The following UST variants were observed in gnomAD, a reference collection of about 807,000 sequenced individuals.
The protein encoded by UST is chondroitin sulfate 2-O-sulfotransferase.
UST carries 21 observed loss-of-function variants against 45.6 expected under a neutral mutation model. That is an observed-to-expected ratio of 0.46 (90% CI 0.33 to 0.66). UST has a LOEUF of 0.66. Ranked by LOEUF, UST falls within the 30% of genes least tolerant of loss-of-function variation. The pLI is 0.02. For synonymous variants in UST, 215 were observed against 200.6 expected, an observed-to-expected ratio of 1.07 and a Z score of -0.61; for missense variants, 463 against 512.4, an observed-to-expected ratio of 0.90 and a Z score of 0.93.
chr6:148,789,063 A>G (rs1028078735), intron 1 of UST, among the ~76,000 whole-genome samples: 2 of 152,252 alleles, frequency 1.3e-5, no homozygotes, highest in Admixed American at 1.3e-4. Context: ...TAACGTTTAA[A>G]TGCTGAAGGA....
At position 148,820,968 on chromosome 6, in the gene UST, C is replaced by T. The variant is rs1484391076; in HGVS notation, c.248-66018C>T. ...GTCATGTAGTATTTTTTTTTAATTC[C>T]TTTTTTTTTTTTTTTTTTTGAGACG... On this transcript the variant is annotated intron_variant, in intron 1 of 7. Coordinates refer to ENST00000367463, the MANE Select transcript of UST (RefSeq NM_005715.3). 2.3e-3 allele frequency among the ~76,000 whole-genome samples: 208 copies of T among 91,198 alleles called. 1 individual carries two copies. The highest frequency in any genetic ancestry group is 7.9e-3 in the African/African-American group (191 of 24,078). 59.8% of individuals were successfully genotyped at this position (91,198 alleles called of 152,430 possible). A position where few individuals can be genotyped will look rare whatever the true frequency, so the allele number is the denominator to read the frequency against.
chr6:148,987,177 G>C (rs2114987667), intron 5 of UST, among the ~76,000 whole-genome samples: 1 of 152,270 alleles, frequency 6.6e-6, no homozygotes, highest in South Asian at 2.1e-4. Context: ...CAAACCAGGA[G>C]ATACATTAAT....
At chr6:148,793,030 T>C (rs1366743616) in intron 1 of UST, among the ~76,000 whole-genome samples, 1 of 152,206 alleles carries the variant, frequency 6.6e-6, no homozygotes, top group Non-Finnish European at 1.5e-5. Context: ...TAATTTATTG[T>C]ACTGTATGGG....
intron 1 of UST, among the ~76,000 whole-genome samples, chr6:148,749,755 A>G (rs1420677708): frequency 6.6e-6 from 1 of 152,226 alleles, no homozygotes; most frequent in African/African-American, 2.4e-5. Context: ...AGTTGGTAGA[A>G]GGGTGAATTC....
At chr6:148,873,409 G>A (rs984386288) in intron 1 of UST, among the ~76,000 whole-genome samples, 4 of 152,082 alleles carry the variant, frequency 2.6e-5, no homozygotes, top group African/African-American at 9.7e-5. Flanking sequence ...CAGGTGATGA[G>A]GCTCTTCAGC....
intron 5 of UST, among the ~76,000 whole-genome samples, chr6:148,999,909 T>A (rs930262520): frequency 2.0e-5 from 3 of 152,222 alleles, no homozygotes; most frequent in African/African-American, 7.2e-5. Context: ...TTGTAATGAT[T>A]GATAGAATAT....
chr6:148,935,005 C>G (rs1779992423), intron 2 of UST, among the ~76,000 whole-genome samples: 1 of 152,200 alleles, frequency 6.6e-6, no homozygotes, highest in Admixed American at 6.5e-5. Context: ...GTCTCATAGA[C>G]TATGAAAGTC....
intron 7 of UST, among the ~76,000 whole-genome samples, chr6:149,063,341 A>G (rs1776683311): frequency 1.3e-5 from 2 of 152,258 alleles, no homozygotes; most frequent in Non-Finnish European, 2.9e-5. Flanking sequence ...TTATCATAAA[A>G]TTAACTAAGG....
At chr6:148,964,892 G>C (rs922574125) in intron 5 of UST, among the ~76,000 whole-genome samples, 14 of 152,188 alleles carry the variant, frequency 9.2e-5, no homozygotes, top group African/African-American at 2.7e-4. Context: ...AAAGGTGTTG[G>C]GGGGGTGTCT....
intron 1 of UST, among the ~76,000 whole-genome samples, chr6:148,831,042 G>T (rs2114758491): frequency 7.6e-6 from 1 of 132,028 alleles, no homozygotes; most frequent in Non-Finnish European, 1.6e-5. Flanking sequence ...AAAATTAAAA[G>T]AAAGATGAAA....
At chr6:148,763,898 G>C (rs1283787391) in intron 1 of UST, among the ~76,000 whole-genome samples, 1 of 152,166 alleles carries the variant, frequency 6.6e-6, no homozygotes, top group Non-Finnish European at 1.5e-5. Context: ...GGTTACTATA[G>C]TCTTGTAGTA....
chr6:148,910,239 C>T (rs1250443990), intron 2 of UST, among the ~76,000 whole-genome samples: 1 of 148,628 alleles, frequency 6.7e-6, no homozygotes, highest in Non-Finnish European at 1.5e-5. Context: ...CTCCTGGGTT[C>T]AAACGATTCT....
chr6:148,950,957 T>C (rs1418165370), intron 3 of UST, among the ~76,000 whole-genome samples: 1 of 152,206 alleles, frequency 6.6e-6, no homozygotes, highest in Admixed American at 6.5e-5. Context: ...AAAAGGGCTA[T>C]CCAGAAAGGC....
At chr6:149,001,642 A>G (rs1426906932) in intron 5 of UST, among the ~76,000 whole-genome samples, 1 of 152,180 alleles carries the variant, frequency 6.6e-6, no homozygotes, top group Non-Finnish European at 1.5e-5. Flanking sequence ...CAATCATTCC[A>G]CTGGCCTTTT....
At chr6:149,011,430 A>G (rs1775809319) in intron 5 of UST, among the ~76,000 whole-genome samples, 1 of 152,224 alleles carries the variant, frequency 6.6e-6, no homozygotes, top group Non-Finnish European at 1.5e-5. Flanking sequence ...CTGGTCAAAA[A>G]TAATTTAATT....
At chr6:148,988,253 G>T (rs556444119) in intron 5 of UST, among the ~76,000 whole-genome samples, 2 of 152,102 alleles carry the variant, frequency 1.3e-5, no homozygotes, top group Non-Finnish European at 2.9e-5. Context: ...CCTGCATCAT[G>T]CATCAATTAC....
intron 1 of UST, among the ~76,000 whole-genome samples, chr6:148,823,237 T>C (rs1777499863): frequency 6.6e-6 from 1 of 152,206 alleles, no homozygotes; most frequent in Admixed American, 6.5e-5. Context: ...AATGACAAAA[T>C]CTGAAAGAAT....
At chr6:148,852,854 G>A (rs1778131599) in intron 1 of UST, among the ~76,000 whole-genome samples, 1 of 152,070 alleles carries the variant, frequency 6.6e-6, no homozygotes, top group Admixed American at 6.6e-5. Context: ...GGTCTGTGAG[G>A]GTCAGAACCC....
At chr6:149,058,749 G>C (rs997342875) in intron 7 of UST, among the ~76,000 whole-genome samples, 1 of 152,120 alleles carries the variant, frequency 6.6e-6, no homozygotes, top group Non-Finnish European at 1.5e-5. Context: ...TAAAGACATA[G>C]TAATTCTCCC....
Sources: gnomAD v4.1 joint callset for allele counts (sites outside exome capture counted in the v4.1 genomes callset) on GRCh38, gnomAD v4.1.1 for gene constraint, MANE v1.5 for transcripts, NCBI Gene and HGNC (gene_info 2026-07-23, HGNC 2026-07-21) for gene names.